The following SPRED1 variants were observed in gnomAD, a reference collection of about 807,000 sequenced individuals.
The protein encoded by SPRED1 is sprouty-related, EVH1 domain-containing protein 1.
A neutral mutation model predicts 52.3 loss-of-function variants in SPRED1; 18 were observed. The observed-to-expected ratio is 0.34, with a 90% CI of 0.24 to 0.51. The LOEUF (loss-of-function observed/expected upper bound fraction) is 0.51, where lower values mean the gene tolerates loss of function less well. SPRED1 is among the 20% of genes least tolerant of loss of function. SPRED1 has a pLI of 0.97. For missense variants in SPRED1, 485 were observed against 551.0 expected (o/e 0.88, Z 1.20); for synonymous variants, 155 against 179.7 (o/e 0.86, Z 1.10).
intron 6 of SPRED1, 61 bp from the exon 7 acceptor site, chr15:38,350,953 G>T: frequency 6.7e-7 from 1 of 1,502,122 alleles, no homozygotes; most frequent in South Asian, 1.2e-5. Context: ...GCCCCACCAA[G>T]GTGACACGTA....
At chr15:38,282,055 A>C in intron 1 of SPRED1, among the ~76,000 whole-genome samples, 1 of 152,188 alleles carries the variant, frequency 6.6e-6, no homozygotes, top group East Asian at 1.9e-4. Flanking sequence ...AGCTTTCTGA[A>C]GTTGTCATAG....
intron 2 of SPRED1, among the ~76,000 whole-genome samples, chr15:38,313,009 C>T (rs1895399069): frequency 6.6e-6 from 1 of 151,896 alleles, no homozygotes; most frequent in Non-Finnish European, 1.5e-5. Context: ...CATTTTCTCC[C>T]TCTCCCACAC....
intron 2 of SPRED1, among the ~76,000 whole-genome samples, chr15:38,306,849 C>T (rs1895260208): frequency 6.6e-6 from 1 of 152,092 alleles, no homozygotes; most frequent in Non-Finnish European, 1.5e-5. Flanking sequence ...TCTTTCAAAC[C>T]CTGCATTTGG....
At chr15:38,326,468 G>A (rs1222297775) in intron 4 of SPRED1, 2 of 152,144 alleles carry the variant, frequency 1.3e-5, no homozygotes, top group African/African-American at 2.4e-5. Flanking sequence ...CAAATCCAGG[G>A]CCTTCTTAGA....
intron 1 of SPRED1, among the ~76,000 whole-genome samples, chr15:38,257,221 A>G (rs951822827): frequency 6.8e-6 from 1 of 147,116 alleles, no homozygotes; most frequent in Non-Finnish European, 1.5e-5. Flanking sequence ...AAAATCATAT[A>G]ATATTGTGAT....
In SPRED1 at chr15:38,322,354, T is replaced by C. The variant is rs770197803; in HGVS notation, c.321T>C (p.Ala107=). The C allele has an allele frequency of 1.2e-6, 2 of 1,613,806 alleles. No individual in the cohort carries two copies. The highest frequency in any genetic ancestry group is 1.7e-5 in the Admixed American group (1 of 59,992). The change falls in exon 3 of 7, where the codon GCT becomes GCC. Residue 107 remains alanine (A), a synonymous_variant. Coordinates refer to ENST00000299084, the MANE Select transcript of SPRED1 (RefSeq NM_152594.3). ...KKFGLTFQSP[A]DARAFDRGIR... ...TTGGTCTTACGTTTCAAAGTCCTGCTGATGCTAGGGCTTTTGATAGAGGTA... is the reference window on the plus strand; with the variant it reads ...TTGGTCTTACGTTTCAAAGTCCTGCCGATGCTAGGGCTTTTGATAGAGGTA...
chr15:38,319,736 AG>A, intron 2 of SPRED1, among the ~76,000 whole-genome samples: 1 of 152,230 alleles, frequency 6.6e-6, no homozygotes, highest in Admixed American at 6.5e-5. Context: ...AAGTCTTGAG[AG>A]AATTTCACTG....
At chr15:38,316,934 T>A (rs1170045938) in intron 2 of SPRED1, among the ~76,000 whole-genome samples, 1 of 151,736 alleles carries the variant, frequency 6.6e-6, no homozygotes, top group Non-Finnish European at 1.5e-5. Flanking sequence ...GGCATCATAT[T>A]CTTTATAGTT....
At chr15:38,321,833 G>C (rs1036822177) in intron 2 of SPRED1, among the ~76,000 whole-genome samples, 1 of 152,104 alleles carries the variant, frequency 6.6e-6, no homozygotes, top group Non-Finnish European at 1.5e-5. Context: ...GATTTCAAGT[G>C]ATCCGCCCGC....
chr15:38,266,916 A>G (rs1894318545), intron 1 of SPRED1, among the ~76,000 whole-genome samples: 1 of 152,194 alleles, frequency 6.6e-6, no homozygotes, highest in African/African-American at 2.4e-5. Context: ...ACTAGGCCCT[A>G]GCATATAACA....
intron 1 of SPRED1, among the ~76,000 whole-genome samples, chr15:38,288,752 T>C (rs193061616): frequency 5.3e-5 from 8 of 152,320 alleles, no homozygotes; most frequent in Non-Finnish European, 1.5e-5. Context: ...ATTGCCAGGC[T>C]ATGCTAACTC....
intron 4 of SPRED1, among the ~76,000 whole-genome samples, chr15:38,335,784 A>G (rs2141004449): frequency 6.6e-6 from 1 of 152,246 alleles, no homozygotes; most frequent in South Asian, 2.1e-4. Flanking sequence ...AAACAGGAAT[A>G]GAATTGATGC....
chr15:38,280,624 C>G (rs1322101377), intron 1 of SPRED1, among the ~76,000 whole-genome samples: 1 of 152,098 alleles, frequency 6.6e-6, no homozygotes, highest in Non-Finnish European at 1.5e-5. Context: ...CTTGGGGCTA[C>G]TTAGGACATT....
Position 38,354,491 on chromosome 15 carries a change from T to C in SPRED1, c.*2827T>C, listed in dbSNP as rs1437410993. The C allele has an allele frequency of 6.6e-6, 1 of 152,210 alleles. No individual in the cohort carries two copies. The highest frequency in any genetic ancestry group is 1.5e-5 in the Non-Finnish European group (1 of 68,042). The allele number at this position is 152,210 out of a possible 1,614,324, so 9.4% of individuals were successfully genotyped here. ...ACATCATTTGATTTCTGAAGAAGTA[T>C]GTCGTGTGGAGCTTCAGCACCACCT... is the stretch of plus-strand genomic sequence containing the variant. On this transcript the variant is annotated 3_prime_UTR_variant, in exon 7 of 7. Coordinates refer to ENST00000299084, the MANE Select transcript of SPRED1 (RefSeq NM_152594.3).
At chr15:38,282,514 A>C (rs1894712906) in intron 1 of SPRED1, among the ~76,000 whole-genome samples, 1 of 152,072 alleles carries the variant, frequency 6.6e-6, no homozygotes, top group East Asian at 1.9e-4. Context: ...CTCAAAAAAA[A>C]AAAAAAATTC....
chr15:38,274,383 G>A (rs1894503886), intron 1 of SPRED1, among the ~76,000 whole-genome samples: 2 of 152,152 alleles, frequency 1.3e-5, no homozygotes, highest in African/African-American at 2.4e-5. Flanking sequence ...TAACATTTGT[G>A]TATTACTTTA....
rs369376164 is a variant in SPRED1 at position 38,355,799 on chromosome 15, CATT to C, written c.*4139_*4141del. On this transcript the variant is annotated 3_prime_UTR_variant, in exon 7 of 7. Coordinates refer to ENST00000299084, the MANE Select transcript of SPRED1 (RefSeq NM_152594.3). The stretch of plus-strand genomic sequence containing the variant: ...TGTAAGAGGAAGCACTAGAAACTGG[CATT>C]ATTGTTGCACTAAAAAAGTCTATAA... The C allele has an allele frequency of 3.6e-4, 55 of 152,220 alleles. 1 individual carries two copies. In the East Asian group the frequency reaches 9.7e-3, roughly 27 times the overall value. The allele number at this position is 152,220 out of a possible 1,614,324, so 9.4% of individuals were successfully genotyped here.
Position 38,272,276 on chromosome 15 carries a change from G to GTTTTTTTTTTTTTTTTTTTT in SPRED1, c.32+19069_32+19070insTTTTTTTTTTTTTTTTTTTT, listed in dbSNP as rs1555387949. Among the ~76,000 whole-genome samples, 2 of 131,426 alleles carry GTTTTTTTTTTTTTTTTTTTT rather than the reference G, an allele frequency of 1.5e-5. 1 individual carries two copies. The highest frequency in any genetic ancestry group is 3.2e-5 in the Non-Finnish European group (2 of 63,006). 86.2% of individuals were successfully genotyped at this position (131,426 alleles called of 152,430 possible). On this transcript the variant is annotated intron_variant, in intron 1 of 6. Transcript: ENST00000299084. ...TGAGATTGTAGGGGTCGAATGCTAG[G>GTTTTTTTTTTTTTTTTTTTT]TTTTTTTTTTGAGATGAAGTCTTGC...
chr15:38,290,101 T>G (rs1289607731), intron 1 of SPRED1, among the ~76,000 whole-genome samples: 1 of 152,218 alleles, frequency 6.6e-6, no homozygotes, highest in African/African-American at 2.4e-5. Context: ...TTTTAAAGTT[T>G]TTCATATTTT....
Sources: allele counts gnomAD v4.1 joint callset (sites outside exome capture counted in the v4.1 genomes callset), GRCh38; gene constraint gnomAD v4.1.1; transcripts MANE v1.5; gene names NCBI Gene and HGNC (gene_info 2026-07-23, HGNC 2026-07-21).